Variants in SQSTM1 observed in about 807,000 individuals in gnomAD.
SQSTM1 encodes the protein sequestosome 1.
SQSTM1 carries 36 observed loss-of-function variants against 45.1 expected under a neutral mutation model. That is an observed-to-expected ratio of 0.80 (90% CI 0.61 to 1.05). The LOEUF (loss-of-function observed/expected upper bound fraction) is 1.05, where lower values mean the gene tolerates loss of function less well. Ranked by LOEUF, SQSTM1 falls within the 50% of genes least tolerant of loss-of-function variation. The pLI is 0.00. For missense variants in SQSTM1, 617 were observed against 607.1 expected (o/e 1.02, Z -0.17); for synonymous variants, 290 against 244.3 (o/e 1.19, Z -1.74).
At chr5:179,809,518 T>C (rs1040860461) in intron 1 of SQSTM1, among the ~76,000 whole-genome samples, 1 of 151,282 alleles carries the variant, frequency 6.6e-6, no homozygotes, top group African/African-American at 2.4e-5. Context: ...TTTGTATTTT[T>C]AGTAGAGATA....
intron 3 of SQSTM1, 24 bp downstream of exon 3, chr5:179,824,111 C>T (rs1757900583): frequency 1.2e-6 from 2 of 1,613,554 alleles, no homozygotes; most frequent in South Asian, 2.2e-5. Context: ...CTGTGCAGGC[C>T]TGGGGTGGGC....
At chr5:179,822,768 A>G (rs545871062) in intron 1 of SQSTM1, 190 bp from the exon 2 acceptor site, 15 of 672,310 alleles carry the variant, frequency 2.2e-5, no homozygotes, top group African/African-American at 7.1e-5. Context: ...AGGTCGGAGC[A>G]CTCACCTTCC....
chr5:179,830,135 A>AACAAAAAAC (rs1554090913), intron 5 of SQSTM1, among the ~76,000 whole-genome samples: 141 of 151,428 alleles, frequency 9.3e-4, no homozygotes, highest in Non-Finnish European at 1.3e-3. Flanking sequence ...AACAAAACAA[A>AACAAAAAAC]AAACAAAAAT....
chr5:179,825,022 T>C, intron 4 of SQSTM1, 124 bp from the exon 5 acceptor site: 1 of 918,354 alleles, frequency 1.1e-6, no homozygotes, highest in South Asian at 1.4e-5. Context: ...AGTGGGTCAC[T>C]GGACAAGATG....
At chr5:179,815,563 G>C (rs1457622801), upstream of SQSTM1, among the ~76,000 whole-genome samples, 1 of 152,144 alleles carries the variant, frequency 6.6e-6, no homozygotes, top group Non-Finnish European at 1.5e-5. Flanking sequence ...CCAGGGGTCA[G>C]ATACTGAGAT....
At chr5:179,834,935 G>A (rs1432449214) in intron 7 of SQSTM1, among the ~76,000 whole-genome samples, 1 of 152,210 alleles carries the variant, frequency 6.6e-6, no homozygotes, top group Non-Finnish European at 1.5e-5. Flanking sequence ...TCCCAGACGG[G>A]GTGGTGGCCG....
upstream of SQSTM1, chr5:179,820,811 C>CGG: frequency 1.1e-6 from 1 of 930,936 alleles, no homozygotes; most frequent in Non-Finnish European, 1.5e-6. Context: ...ACGACGGTGG[C>CGG]GGGGGCGGGG....
Position 179,837,547 on chromosome 5 carries a change from G to C in SQSTM1, c.*954G>C. 1 of 1,614,256 alleles carries C rather than the reference G, an allele frequency of 6.2e-7. No individual in the cohort carries two copies. The highest frequency in any genetic ancestry group is 8.5e-7 in the Non-Finnish European group (1 of 1,180,046). On this transcript the variant is annotated 3_prime_UTR_variant, in exon 8 of 8. Transcript: ENST00000389805. ...CGCAAGGCCTCTCAGACCCAGATGT[G>C]ACGGGGTGTGTGGCCCGAGGAAGCT... is the stretch of plus-strand genomic sequence containing the variant.
At chr5:179,818,714 C>G (rs370588068), upstream of SQSTM1, among the ~76,000 whole-genome samples, 2 of 152,216 alleles carry the variant, frequency 1.3e-5, no homozygotes, top group African/African-American at 2.4e-5. Flanking sequence ...CTAAACAACT[C>G]GCACACCCAC....
chr5:179,824,096 G>T lies in SQSTM1; in HGVS notation c.531+9G>T. The T allele has an allele frequency of 1.2e-6, 2 of 1,613,780 alleles. No individual in the cohort carries two copies. The highest frequency in any genetic ancestry group is 1.7e-6 in the Non-Finnish European group (2 of 1,180,036). ...TCGGGCACCTGTCTGAGGTGAGCAGGCCCTCTGTGCAGGCCTGGGGTGGGC... is the reference window on the plus strand; with the variant it reads ...TCGGGCACCTGTCTGAGGTGAGCAGTCCCTCTGTGCAGGCCTGGGGTGGGC... On this transcript the variant is annotated intron_variant, in intron 3 of 7. Coordinates refer to ENST00000389805, the MANE Select transcript of SQSTM1 (RefSeq NM_003900.5).
Position 179,837,466 on chromosome 5 carries a change from C to G in SQSTM1, c.*873C>G. On this transcript the variant is annotated 3_prime_UTR_variant, in exon 8 of 8. Coordinates refer to ENST00000389805, the MANE Select transcript of SQSTM1 (RefSeq NM_003900.5). ...GTGTGGGTCGAGGATTCTGTGCCTC[C>G]AGGACCAGGGGCCCACCCTCTGCCC... 6.2e-7 allele frequency: 1 copy of G among 1,613,732 alleles called. No homozygotes were observed. The highest frequency in any genetic ancestry group is 8.5e-7 in the Non-Finnish European group (1 of 1,179,716).
chr5:179,820,828 C>T (rs1208372766), upstream of SQSTM1: 6 of 1,115,194 alleles, frequency 5.4e-6, no homozygotes, highest in African/African-American at 5.0e-5. Flanking sequence ...GGGGAGGGCG[C>T]GAGAGACTCC....
intron 5 of SQSTM1, among the ~76,000 whole-genome samples, chr5:179,829,418 G>A (rs1758123730): frequency 6.6e-6 from 1 of 152,186 alleles, no homozygotes. Flanking sequence ...TGCTTCAGTG[G>A]GATCAGACCC....
chr5:179,820,780 C>T, upstream of SQSTM1: 1 of 637,218 alleles, frequency 1.6e-6, no homozygotes, highest in Non-Finnish European at 2.5e-6. Flanking sequence ...GGGGCCTCTG[C>T]AGGGCGGCTC....
At chr5:179,810,010 C>T (rs1469589727) in intron 1 of SQSTM1, among the ~76,000 whole-genome samples, 2 of 152,146 alleles carry the variant, frequency 1.3e-5, no homozygotes, top group Non-Finnish European at 2.9e-5. Flanking sequence ...TCTCCAACTC[C>T]TGACCTCAGG....
At chr5:179,819,523 G>A (rs775547084), upstream of SQSTM1, among the ~76,000 whole-genome samples, 3 of 152,216 alleles carry the variant, frequency 2.0e-5, no homozygotes, top group South Asian at 2.1e-4. Context: ...GGCCATAGCC[G>A]GGGGCTGGGG....
chr5:179,837,892 G>C lies in SQSTM1; in HGVS notation c.*1299G>C. The C allele has an allele frequency of 6.2e-7, 1 of 1,600,144 alleles. No homozygotes were observed. The highest frequency in any genetic ancestry group is 2.2e-5 in the East Asian group (1 of 44,812). On this transcript the variant is annotated 3_prime_UTR_variant, in exon 8 of 8. Transcript: ENST00000389805. Reference sequence around the variant, plus strand: ...ATGTCAGGCCAGCCTGTCCCTGAAAGAGAAGATGGCCATGCCCTCCATGTG... The same window carrying C: ...ATGTCAGGCCAGCCTGTCCCTGAAACAGAAGATGGCCATGCCCTCCATGTG...
At chr5:179,821,438 C>A (rs1161096733) in intron 1 of SQSTM1, 2 of 611,702 alleles carry the variant, frequency 3.3e-6, no homozygotes, top group African/African-American at 1.9e-5. Context: ...CGCTCCACCC[C>A]CCGCGCTGTT....
At chr5:179,820,852 C>A (rs1757744911), upstream of SQSTM1, 4 of 1,267,182 alleles carry the variant, frequency 3.2e-6, no homozygotes, top group Non-Finnish European at 3.1e-6. Context: ...CCTCTCGAGG[C>A]GGGGCGGGGC....
Sources: gnomAD v4.1 joint callset for allele counts (sites outside exome capture counted in the v4.1 genomes callset) on GRCh38, gnomAD v4.1.1 for gene constraint, MANE v1.5 for transcripts, NCBI Gene and HGNC (gene_info 2026-07-23, HGNC 2026-07-21) for gene names.